Variants in SYNE2 observed in about 807,000 individuals in gnomAD.
SYNE2 encodes the protein spectrin repeat containing nuclear envelope protein 2.
Under a neutral mutation model 856.3 loss-of-function variants are expected in SYNE2, and 431 were observed. That is an observed-to-expected ratio of 0.50 (90% CI 0.47 to 0.55). SYNE2 has a LOEUF of 0.55. Among genes scored for constraint, SYNE2 ranks in the 20% least tolerant of loss-of-function variants. The pLI is 0.00. For missense variants in SYNE2, 8,129 were observed against 8,023.2 expected (o/e 1.01, Z -0.50); for synonymous variants, 2,923 against 2,872.3 (o/e 1.02, Z -0.56).
intron 78 of SYNE2, among the ~76,000 whole-genome samples, chr14:64,135,994 C>A (rs1488306192): frequency 1.3e-5 from 2 of 152,096 alleles, no homozygotes; most frequent in Non-Finnish European, 1.5e-5. Flanking sequence ...CCCATGCATA[C>A]AATCGGTGAA....
At chr14:64,017,564 A>G (rs1245022897) in intron 33 of SYNE2, 31 bp from the exon 34 acceptor site, 4 of 1,572,804 alleles carry the variant, frequency 2.5e-6, no homozygotes, top group African/African-American at 1.3e-5. Flanking sequence ...TCACTGCTAC[A>G]TATGTTGTTT....
intron 65 of SYNE2, among the ~76,000 whole-genome samples, chr14:64,107,997 G>A (rs1017692223): frequency 2.0e-5 from 3 of 152,136 alleles, no homozygotes; most frequent in African/African-American, 7.2e-5. Context: ...ACTGTATAAG[G>A]TAGGTTCATA....
At chr14:63,963,541 G>C (rs900933679) in intron 9 of SYNE2, among the ~76,000 whole-genome samples, 1 of 152,154 alleles carries the variant, frequency 6.6e-6, no homozygotes, top group African/African-American at 2.4e-5. Context: ...TTTGATGTCA[G>C]TGTTTTTGCA....
intron 83 of SYNE2, 112 bp downstream of exon 83, chr14:64,144,060 T>A (rs1186797758): frequency 1.6e-6 from 2 of 1,216,424 alleles, no homozygotes; most frequent in Non-Finnish European, 2.4e-6. Flanking sequence ...CTAATAATCA[T>A]CTCAACTATA....
At chr14:64,141,595 T>C in intron 81 of SYNE2, 72 bp downstream of exon 81, 3 of 1,508,024 alleles carry the variant, frequency 2.0e-6, no homozygotes, top group Non-Finnish European at 2.7e-6. Flanking sequence ...AAATTATTTC[T>C]CTGACTCAAT....
Position 63,998,232 on chromosome 14 carries a change from C to T in SYNE2, c.3257C>T (p.Thr1086Ile), listed in dbSNP as rs2096727884. The part of the protein sequence containing the change: ...QPSTEKAMEP[T>I]MKFSLASVLR... ...ATATTCCCTTAGGCAATGGAACCCACTATGAAGTTTAGCCTGGCATCAGTG... is the reference window on the plus strand; with the variant it reads ...ATATTCCCTTAGGCAATGGAACCCATTATGAAGTTTAGCCTGGCATCAGTG... The change falls in exon 26 of 116, where the codon ACT (threonine) becomes ATT (isoleucine). Residue 1086 changes from threonine (T) to isoleucine (I), a missense_variant. By Grantham distance (89) the Thr-to-Ile change is moderately conservative. Around this residue, in one of 3 missense-constraint regions of SYNE2, gnomAD observed 2,422 missense variants for 2,357.4 expected, o/e 1.03. Transcript: ENST00000555002. 1 of 1,613,452 alleles carries T rather than the reference C, an allele frequency of 6.2e-7. No individual in the cohort carries two copies. The highest frequency in any genetic ancestry group is 2.2e-5 in the East Asian group (1 of 44,834).
At chr14:64,217,030 A>G (rs1251004451) in intron 108 of SYNE2, among the ~76,000 whole-genome samples, 1 of 152,174 alleles carries the variant, frequency 6.6e-6, no homozygotes, top group Non-Finnish European at 1.5e-5. Flanking sequence ...CCAACCTTCA[A>G]GCCTTTGTTA....
chr14:64,083,984 G>GTGCGATCT (rs2097542135), intron 57 of SYNE2, among the ~76,000 whole-genome samples: 1 of 151,648 alleles, frequency 6.6e-6, no homozygotes, highest in Non-Finnish European at 1.5e-5. Flanking sequence ...GAGTGCAATG[G>GTGCGATCT]TGCGATCTTG....
Position 64,225,956 on chromosome 14 carries a change from A to T in SYNE2, c.*430A>T. On this transcript the variant is annotated 3_prime_UTR_variant, in exon 116 of 116. Transcript: ENST00000555002. Reference sequence around the variant, plus strand: ...GGTTCAGAAACTCATAGGCACCCTTAGCTGATGGAAACAATCAATCATATT... The same window carrying T: ...GGTTCAGAAACTCATAGGCACCCTTTGCTGATGGAAACAATCAATCATATT... 1 of 336,574 alleles carries T rather than the reference A, an allele frequency of 3.0e-6. No individual in the cohort carries two copies. The highest frequency in any genetic ancestry group is 5.5e-6 in the Non-Finnish European group (1 of 182,612). The allele number at this position is 336,574 out of a possible 1,614,324, so 20.8% of individuals were successfully genotyped here.
At chr14:64,192,922 G>A (rs1210887986) in intron 99 of SYNE2, among the ~76,000 whole-genome samples, 1 of 152,242 alleles carries the variant, frequency 6.6e-6, no homozygotes. Context: ...GAGACAGACA[G>A]CTAGAATCTA....
chr14:63,795,510 T>C (rs1181985868), intron 1 of SYNE2, among the ~76,000 whole-genome samples: 1 of 152,062 alleles, frequency 6.6e-6, no homozygotes, highest in African/African-American at 2.4e-5. Context: ...AACTCCCCTT[T>C]ATATATATAC....
Position 64,057,773 on chromosome 14 carries a change from C to T in SYNE2, c.10067+1507C>T, listed in dbSNP as rs60382354. Reference sequence around the variant, plus strand: ...AGATGCTGTTTTCTCCACATCCTTGCCAGCATTTATTATTGCCTGTCTTTT... The same window carrying T: ...AGATGCTGTTTTCTCCACATCCTTGTCAGCATTTATTATTGCCTGTCTTTT... On this transcript the variant is annotated intron_variant, in intron 49 of 115. Transcript: ENST00000555002. Among the ~76,000 whole-genome samples the T allele has an allele frequency of 2.0e-3, 308 of 152,280 alleles. 5 individuals carry two copies. The highest frequency in any genetic ancestry group is 0.013 in the Admixed American group (194 of 15,296).
At chr14:64,165,484 A>G in intron 90 of SYNE2, 74 bp downstream of exon 90, 1 of 1,508,830 alleles carries the variant, frequency 6.6e-7, no homozygotes, top group South Asian at 1.2e-5. Flanking sequence ...GATTACTGTG[A>G]ACTTATGGAA....
chr14:64,137,499 C>T (rs1056780593), intron 78 of SYNE2, among the ~76,000 whole-genome samples: 2 of 152,200 alleles, frequency 1.3e-5, no homozygotes, highest in African/African-American at 4.8e-5. Context: ...GATCTGCCTG[C>T]CTCAGCCTCC....
In SYNE2 at chr14:64,071,411, G is replaced by A. The variant is rs1235286251; in HGVS notation, c.10697+501G>A. On this transcript the variant is annotated intron_variant, in intron 52 of 115. Coordinates refer to ENST00000555002, the MANE Select transcript of SYNE2 (RefSeq NM_182914.3). Reference sequence around the variant, plus strand: ...CGGGAGGCTGAGGCAGGAGAATGGCGTGAACCCAGAAGGCAGAGCTTGCAG... The same window carrying A: ...CGGGAGGCTGAGGCAGGAGAATGGCATGAACCCAGAAGGCAGAGCTTGCAG... 2.6e-5 allele frequency among the ~76,000 whole-genome samples: 4 copies of A among 151,894 alleles called. No individual in the cohort carries two copies. In the South Asian group the frequency reaches 8.3e-4, roughly 32 times the overall value.
intron 22 of SYNE2, among the ~76,000 whole-genome samples, chr14:63,994,419 A>G (rs1250634006): frequency 6.6e-6 from 1 of 152,224 alleles, no homozygotes; most frequent in Non-Finnish European, 1.5e-5. Context: ...ACTGTTAAGG[A>G]TCCTCCTAAA....
At chr14:63,985,344 A>AG (rs906663910) in intron 18 of SYNE2, among the ~76,000 whole-genome samples, 1 of 151,808 alleles carries the variant, frequency 6.6e-6, no homozygotes, top group African/African-American at 2.4e-5. Flanking sequence ...AAAAAAAAAA[A>AG]AAAAGAGTGT....
intron 6 of SYNE2, among the ~76,000 whole-genome samples, chr14:63,944,824 C>CTTTTTTTTTATTTTT (rs2095996623): frequency 2.1e-5 from 1 of 46,932 alleles, no homozygotes. Flanking sequence ...GGGCTTAAAG[C>CTTTTTTTTTATTTTT]TTTTTTTTTT....
At chr14:63,840,739 G>A (rs573405475) in intron 1 of SYNE2, among the ~76,000 whole-genome samples, 8 of 152,076 alleles carry the variant, frequency 5.3e-5, no homozygotes, top group East Asian at 3.9e-4. Flanking sequence ...GAGGCTGTGC[G>A]CAGTGGCTCA....
Sources: gnomAD v4.1 joint callset for allele counts (sites outside exome capture counted in the v4.1 genomes callset) on GRCh38, gnomAD v4.1.1 for gene constraint, gnomAD v4.1.1 regional missense constraint, MANE v1.5 for transcripts, NCBI Gene and HGNC (gene_info 2026-07-23, HGNC 2026-07-21) for gene names.